Variants in DEK observed in about 807,000 individuals in gnomAD.
The protein encoded by DEK is protein DEK.
A neutral mutation model predicts 46.8 loss-of-function variants in DEK; 28 were observed. The ratio of observed to expected loss-of-function variants is 0.60; its 90% CI spans 0.44 to 0.82. DEK has a LOEUF of 0.82. DEK is among the 40% of genes least tolerant of loss of function. The pLI is 0.00. For synonymous variants in DEK, 160 were observed against 144.5 expected, an observed-to-expected ratio of 1.11 and a Z score of -0.77; for missense variants, 416 against 430.6, an observed-to-expected ratio of 0.97 and a Z score of 0.30.
intron 9 of DEK, among the ~76,000 whole-genome samples, chr6:18,227,367 A>C (rs1283655997): frequency 2.6e-5 from 4 of 152,146 alleles, no homozygotes; most frequent in Non-Finnish European, 5.9e-5. Flanking sequence ...TAAGGCATTG[A>C]GATGTTTATG....
At chr6:18,261,891 G>A (rs1350085515) in intron 2 of DEK, among the ~76,000 whole-genome samples, 1 of 152,192 alleles carries the variant, frequency 6.6e-6, no homozygotes, top group Non-Finnish European at 1.5e-5. Flanking sequence ...AGAAACATAT[G>A]AGAGTTGGGG....
chr6:18,236,708 C>A, intron 8 of DEK, 108 bp from the exon 9 acceptor site: 1 of 746,734 alleles, frequency 1.3e-6, no homozygotes, highest in Non-Finnish European at 1.9e-6. Flanking sequence ...GGTACTGGAT[C>A]AAAAAAATTA....
At chr6:18,237,867 T>TG in intron 7 of DEK, among the ~76,000 whole-genome samples, 1 of 143,464 alleles carries the variant, frequency 7.0e-6, no homozygotes, top group East Asian at 2.0e-4. Flanking sequence ...AATCTTTTTT[T>TG]TTTTTTTTTT....
rs1790738731 is a variant in DEK, at chr6:18,238,014, G to C, written c.763-498C>G. On this transcript the variant is annotated intron_variant, in intron 7 of 10. Transcript: ENST00000652689. Reference sequence around the variant, plus strand: ...CTCCCTAGTAGCTGGGATTACAGGTGCTCGCCACCACACCCGGCTAATTTT... The same window carrying C: ...CTCCCTAGTAGCTGGGATTACAGGTCCTCGCCACCACACCCGGCTAATTTT... Among the ~76,000 whole-genome samples, 4 of 151,666 alleles carry C rather than the reference G, an allele frequency of 2.6e-5. No homozygotes were observed. The South Asian group carries it at 8.3e-4, about 32-fold the overall frequency.
At chr6:18,264,051 C>A in intron 1 of DEK, 55 bp from the exon 2 acceptor site, 2 of 1,505,590 alleles carry the variant, frequency 1.3e-6, no homozygotes, top group Non-Finnish European at 1.8e-6. Context: ...GCAGGCAGGA[C>A]CGGGCGGCCA....
At chr6:18,261,633 G>A (rs1376245532) in intron 2 of DEK, among the ~76,000 whole-genome samples, 1 of 152,178 alleles carries the variant, frequency 6.6e-6, no homozygotes, top group Non-Finnish European at 1.5e-5. Flanking sequence ...AAACCAGACT[G>A]TGTGGGGCCT....
chr6:18,233,430 GA>G (rs1790497878), intron 9 of DEK, among the ~76,000 whole-genome samples: 1 of 152,136 alleles, frequency 6.6e-6, no homozygotes, highest in South Asian at 2.1e-4. Flanking sequence ...CAGAATGGGA[GA>G]AAATTTTTGC....
intron 7 of DEK, among the ~76,000 whole-genome samples, chr6:18,237,771 T>A (rs921184457): frequency 6.6e-6 from 1 of 152,022 alleles, no homozygotes; most frequent in Non-Finnish European, 1.5e-5. Context: ...AAACTACATA[T>A]GCATTACTCT....
chr6:18,252,587 T>C (rs1462620685), intron 6 of DEK, among the ~76,000 whole-genome samples: 1 of 133,762 alleles, frequency 7.5e-6, no homozygotes, highest in Non-Finnish European at 1.6e-5. Flanking sequence ...CATCACAGAA[T>C]CACATATGAA....
At chr6:18,232,611 T>A (rs536537418) in intron 9 of DEK, among the ~76,000 whole-genome samples, 15 of 152,248 alleles carry the variant, frequency 9.9e-5, no homozygotes, top group African/African-American at 3.6e-4. Flanking sequence ...CCATTCACAA[T>A]TGCTTCAAAG....
intron 1 of DEK, 63 bp downstream of exon 1, chr6:18,264,322 G>C (rs923069214): frequency 6.1e-6 from 1 of 164,888 alleles, no homozygotes; most frequent in Non-Finnish European, 1.3e-5. Flanking sequence ...AAATGGCCGC[G>C]TCCCTCCCCC....
intron 7 of DEK, among the ~76,000 whole-genome samples, chr6:18,238,884 T>TA (rs1445305564): frequency 6.6e-6 from 1 of 152,138 alleles, no homozygotes; most frequent in East Asian, 1.9e-4. Context: ...TCCAAATGTT[T>TA]AACACTCTTG....
At chr6:18,255,649 A>C in intron 6 of DEK, 82 bp downstream of exon 6, 1 of 1,457,846 alleles carries the variant, frequency 6.9e-7, no homozygotes, top group Non-Finnish European at 9.2e-7. Flanking sequence ...ACTGACAGCA[A>C]TGCTGTTATT....
At chr6:18,250,624 T>C (rs1214587897) in intron 6 of DEK, among the ~76,000 whole-genome samples, 3 of 121,294 alleles carry the variant, frequency 2.5e-5, no homozygotes, top group South Asian at 2.8e-4. Flanking sequence ...TGTTGTGCAG[T>C]AGCTGGGATT....
At chr6:18,253,971 G>A (rs1405160763) in intron 6 of DEK, among the ~76,000 whole-genome samples, 2 of 152,072 alleles carry the variant, frequency 1.3e-5, no homozygotes, top group African/African-American at 2.4e-5. Flanking sequence ...CCAAAGGGCA[G>A]GGATTACAGG....
In DEK at chr6:18,255,773, C is replaced by T. The variant is rs751511163; in HGVS notation, c.531G>A (p.Lys177=). The T allele has an allele frequency of 6.2e-7, 1 of 1,612,254 alleles. No homozygotes were observed. The highest frequency in any genetic ancestry group is 1.1e-5 in the South Asian group (1 of 90,560). ...ERSGVNSELV[K]RILNFLMHPK... ...GATGCATTAAGAAATTCAAGATCCT[C>T]TTCACTAGTTCACTATTTACACCTG... is the stretch of plus-strand genomic sequence containing the variant. The change falls in exon 6 of 11, where the codon AAG becomes AAA. Residue 177 remains lysine, a synonymous_variant. Coordinates refer to ENST00000652689, the MANE Select transcript of DEK (RefSeq NM_003472.4).
At chr6:18,261,847 C>T (rs1389461678) in intron 2 of DEK, among the ~76,000 whole-genome samples, 1 of 152,168 alleles carries the variant, frequency 6.6e-6, no homozygotes, top group East Asian at 1.9e-4. Flanking sequence ...CTTTGGGGGA[C>T]TACTGCGAAG....
chr6:18,245,030 C>T (rs369856771), intron 7 of DEK, among the ~76,000 whole-genome samples: 2 of 152,330 alleles, frequency 1.3e-5, no homozygotes, highest in African/African-American at 2.4e-5. Flanking sequence ...TTTGATCTGC[C>T]TTCCTCTTAT....
At chr6:18,260,801 G>C (rs1410458563) in intron 2 of DEK, among the ~76,000 whole-genome samples, 1 of 151,964 alleles carries the variant, frequency 6.6e-6, no homozygotes, top group Non-Finnish European at 1.5e-5. Flanking sequence ...AGGAGTCTGA[G>C]ACCAGCCTGG....
Sources: allele counts gnomAD v4.1 joint callset (sites outside exome capture counted in the v4.1 genomes callset), GRCh38; gene constraint gnomAD v4.1.1; transcripts MANE v1.5; gene names NCBI Gene and HGNC (gene_info 2026-07-23, HGNC 2026-07-21).